The following MRPS34 variants were observed in gnomAD, a reference collection of about 807,000 sequenced individuals.
The protein encoded by MRPS34 is mitochondrial ribosomal protein S34, also known as small ribosomal subunit protein mS34.
In MRPS34, 12 loss-of-function variants were observed where a neutral mutation model predicts 13.3. The observed-to-expected ratio is 0.90, with a 90% CI of 0.58 to 1.46. The LOEUF (loss-of-function observed/expected upper bound fraction) is 1.46. Ranked by LOEUF, MRPS34 falls within the 40% of genes most tolerant of loss-of-function variation. The pLI is 0.00. For synonymous variants in MRPS34, 181 were observed against 149.3 expected (o/e 1.21, Z -1.55); for missense variants, 419 against 335.3 (o/e 1.25, Z -1.95).
chr16:1,772,109 T>C lies in MRPS34; in HGVS notation c.*112A>G, dbSNP rs537677384. 80 of 1,147,018 alleles carry C rather than the reference T, an allele frequency of 7.0e-5. No individual in the cohort carries two copies. The highest frequency in any genetic ancestry group is 6.2e-4 in the Admixed American group (29 of 47,094). 71.1% of individuals were successfully genotyped at this position (1,147,018 alleles called of 1,614,324 possible). The stretch of plus-strand genomic sequence containing the variant: ...GACCCTCAGAACACGTCGCGGAAGG[T>C]GAGCTCCCTGCTCCGAGAGGCAGAC... On this transcript the variant is annotated 3_prime_UTR_variant, in exon 3 of 3. Coordinates refer to ENST00000397375, the MANE Select transcript of MRPS34 (RefSeq NM_023936.2).
At chr16:1,772,777 G>A (rs774644160) in intron 1 of MRPS34, 22 bp downstream of exon 1, 129 of 1,478,374 alleles carry the variant, frequency 8.7e-5, no homozygotes, top group Middle Eastern at 7.1e-4. Flanking sequence ...GCAGGGGCGG[G>A]GTGCGGACGG....
rs753841145 is a variant in MRPS34, at chr16:1,772,825, G to C, written c.295C>G (p.Arg99Gly). ...HDEPCYWRLT[R>G]VRPDYTAQNL... ...TGCGCCGTGTAGTCGGGCCGCACCC[G>C]CGTGAGGCGCCAGTAGCACGGCTCG... Residue 99 changes from arginine (R) to glycine (G), a missense_variant, in exon 1 of 3, where the codon CGG becomes GGG. Coordinates refer to ENST00000397375, the MANE Select transcript of MRPS34 (RefSeq NM_023936.2). The C allele has an allele frequency of 2.1e-6, 3 of 1,444,770 alleles. No individual in the cohort carries two copies. Among genetic ancestry groups the C allele is most frequent in the Non-Finnish European group, 2.7e-6 (3 of 1,103,942 alleles). The allele number at this position is 1,444,770 out of a possible 1,614,324, so 89.5% of individuals were successfully genotyped here.
Position 1,772,522 on chromosome 16 carries a change from GAAA to G in MRPS34, c.365-12_365-10del, listed in dbSNP as rs1012367367. On this transcript the variant is annotated splice_polypyrimidine_tract_variant and intron_variant, in intron 2 of 2. Coordinates refer to ENST00000397375, the MANE Select transcript of MRPS34 (RefSeq NM_023936.2). ...CTCGCTCTCAGTCTTCCCTGATGAA[GAAA>G]AAGAGGCGTCTGCACACACTTGCTG... The G allele has an allele frequency of 6.2e-7, 1 of 1,610,574 alleles. No homozygotes were observed. The highest frequency in any genetic ancestry group is 1.7e-5 in the Admixed American group (1 of 59,900).
In MRPS34 at chr16:1,772,841, G is replaced by C; in HGVS notation, c.279C>G (p.Cys93Trp). The change falls in exon 1 of 3, where the codon TGC (cysteine) becomes TGG (tryptophan). Residue 93 changes from cysteine (C) to tryptophan (W), a missense_variant. Cys to Trp is a radical substitution (Grantham distance 215). Transcript: ENST00000397375. ...KSWLWQHDEPCYWRLTRVRPD... is the reference protein window; with the variant it reads ...KSWLWQHDEPWYWRLTRVRPD... ...GCCGCACCCGCGTGAGGCGCCAGTAGCACGGCTCGTCGTGCTGCCACAGCC... is the reference window on the plus strand; with the variant it reads ...GCCGCACCCGCGTGAGGCGCCAGTACCACGGCTCGTCGTGCTGCCACAGCC... 6.9e-7 allele frequency: 1 copy of C among 1,444,188 alleles called. No individual in the cohort carries two copies. The highest frequency in any genetic ancestry group is 9.1e-7 in the Non-Finnish European group (1 of 1,103,664). 89.5% of individuals were successfully genotyped at this position (1,444,188 alleles called of 1,614,324 possible).
In MRPS34 at chr16:1,772,181, T is replaced by A. The variant is rs2042626986; in HGVS notation, c.*40A>T. 1 of 1,573,862 alleles carries A rather than the reference T, an allele frequency of 6.4e-7. No homozygotes were observed. Among genetic ancestry groups the A allele is most frequent in the Non-Finnish European group, 8.6e-7 (1 of 1,160,426 alleles). ...TTTCTTTCATCAATAAGGTCCCCACTGCCTCACAGCCCCTAAGGCCACCCG... is the reference window on the plus strand; with the variant it reads ...TTTCTTTCATCAATAAGGTCCCCACAGCCTCACAGCCCCTAAGGCCACCCG... On this transcript the variant is annotated 3_prime_UTR_variant, in exon 3 of 3. Transcript: ENST00000397375.
In MRPS34 at chr16:1,772,594, C is replaced by G. The variant is rs1431824835; in HGVS notation, c.364+10G>C. ...TCGAACTGCCGGGCACCCGCTCTCC[C>G]GAGCCTTACCTTTGAAGGTCAGGAT... On this transcript the variant is annotated intron_variant, in intron 2 of 2. Transcript: ENST00000397375. 1 of 1,612,064 alleles carries G rather than the reference C, an allele frequency of 6.2e-7. No homozygotes were observed. The highest frequency in any genetic ancestry group is 1.3e-5 in the African/African-American group (1 of 74,960).
chr16:1,772,919 C>T lies in MRPS34; in HGVS notation c.201G>A (p.Leu67=). 1 of 1,449,226 alleles carries T rather than the reference C, an allele frequency of 6.9e-7. No individual in the cohort carries two copies. Among genetic ancestry groups the T allele is most frequent in the Non-Finnish European group, 9.0e-7 (1 of 1,107,182 alleles). 89.8% of individuals were successfully genotyped at this position (1,449,226 alleles called of 1,614,324 possible). The change falls in exon 1 of 3, where the codon CTG becomes CTA. Residue 67 remains leucine, a synonymous_variant. Transcript: ENST00000397375. ...DVRRESRLLQ[L]LGRLPLFGLG... ...GGCCGAAGAGCGGGAGGCGGCCGAGCAGCTGCAAGAGGCGGCTCTCGCGGC... is the reference window on the plus strand; with the variant it reads ...GGCCGAAGAGCGGGAGGCGGCCGAGTAGCTGCAAGAGGCGGCTCTCGCGGC...
At chr16:1,772,741 A>T in intron 1 of MRPS34, 58 bp downstream of exon 1, 2 of 1,544,622 alleles carry the variant, frequency 1.3e-6, no homozygotes, top group Non-Finnish European at 1.7e-6. Flanking sequence ...TGCAGGGAGG[A>T]GGGGAGGCGG....
rs897266007 is a variant in MRPS34, at chr16:1,772,009, G to A, written c.*212C>T. 1.7e-6 allele frequency: 1 copy of A among 601,928 alleles called. No individual in the cohort carries two copies. The highest frequency in any genetic ancestry group is 2.9e-6 in the Non-Finnish European group (1 of 341,458). 37.3% of individuals were successfully genotyped at this position (601,928 alleles called of 1,614,324 possible). ...GCTTTCCCCAGCGTGGGCCCTCGGAGTTGGGTGTGGGGGCAGCAGGGCCAG... is the reference window on the plus strand; with the variant it reads ...GCTTTCCCCAGCGTGGGCCCTCGGAATTGGGTGTGGGGGCAGCAGGGCCAG... On this transcript the variant is annotated 3_prime_UTR_variant, in exon 3 of 3. Coordinates refer to ENST00000397375, the MANE Select transcript of MRPS34 (RefSeq NM_023936.2).
Position 1,772,072 on chromosome 16 carries a change from C to G in MRPS34, c.*149G>C, listed in dbSNP as rs1043951598. 4.8e-5 allele frequency: 41 copies of G among 846,868 alleles called. No homozygotes were observed. The Middle Eastern group carries it at 1.1e-3, about 22-fold the overall frequency. The allele number at this position is 846,868 out of a possible 1,614,324, so 52.5% of individuals were successfully genotyped here. Reference sequence around the variant, plus strand: ...GGTGGCGATTTGCCCCAGCCCTCCCCCCTAAGATGCAGACCCTCAGAACAC... The same window carrying G: ...GGTGGCGATTTGCCCCAGCCCTCCCGCCTAAGATGCAGACCCTCAGAACAC... On this transcript the variant is annotated 3_prime_UTR_variant, in exon 3 of 3. Coordinates refer to ENST00000397375, the MANE Select transcript of MRPS34 (RefSeq NM_023936.2).
chr16:1,772,173 G>T lies in MRPS34; in HGVS notation c.*48C>A. The T allele has an allele frequency of 6.4e-7, 1 of 1,552,882 alleles. No individual in the cohort carries two copies. The highest frequency in any genetic ancestry group is 8.7e-7 in the Non-Finnish European group (1 of 1,145,640). On this transcript the variant is annotated 3_prime_UTR_variant, in exon 3 of 3. Coordinates refer to ENST00000397375, the MANE Select transcript of MRPS34 (RefSeq NM_023936.2). ...AAAGACGGTTTCTTTCATCAATAAG[G>T]TCCCCACTGCCTCACAGCCCCTAAG...
rs748276697 is a variant in MRPS34 at position 1,772,368 on chromosome 16, G to A, written c.510C>T (p.Leu170=). Residue 170 remains leucine (L), a synonymous_variant, in exon 3 of 3, where the codon CTC becomes CTT. Coordinates refer to ENST00000397375, the MANE Select transcript of MRPS34 (RefSeq NM_023936.2). ...SLASVPYPPL[L]RAMIIAERQK... Reference sequence around the variant, plus strand: ...GTCGTTCTGCGATAATCATGGCCCGGAGGAGAGGCGGGTACGGCACGGAGG... The same window carrying A: ...GTCGTTCTGCGATAATCATGGCCCGAAGGAGAGGCGGGTACGGCACGGAGG... 1.2e-6 allele frequency: 2 copies of A among 1,612,760 alleles called. No homozygotes were observed. The highest frequency in any genetic ancestry group is 1.3e-5 in the African/African-American group (1 of 74,946).
At position 1,772,889 on chromosome 16, in the gene MRPS34, G is replaced by A; in HGVS notation, c.231C>T (p.Gly77=). 1 of 1,452,722 alleles carries A rather than the reference G, an allele frequency of 6.9e-7. No individual in the cohort carries two copies. The highest frequency in any genetic ancestry group is 9.0e-7 in the Non-Finnish European group (1 of 1,109,832). The allele number at this position is 1,452,722 out of a possible 1,614,324, so 90.0% of individuals were successfully genotyped here. The change falls in exon 1 of 3, where the codon GGC becomes GGT. Residue 77 remains glycine (G), a synonymous_variant. Transcript: ENST00000397375. ...GCCAGGACTTGCGCGTGACCAGGCGGCCCAGGCCGAAGAGCGGGAGGCGGC... is the reference window on the plus strand; with the variant it reads ...GCCAGGACTTGCGCGTGACCAGGCGACCCAGGCCGAAGAGCGGGAGGCGGC... The part of the protein sequence containing the change: ...LLGRLPLFGL[G]RLVTRKSWLW...
rs1046823772 is a variant in MRPS34 at position 1,773,133 on chromosome 16, C to T, written c.-14G>A. 5 of 1,390,122 alleles carry T rather than the reference C, an allele frequency of 3.6e-6. No homozygotes were observed. Among genetic ancestry groups the T allele is most frequent in the Admixed American group, 3.5e-5 (1 of 28,926 alleles). The allele number at this position is 1,390,122 out of a possible 1,614,324, so 86.1% of individuals were successfully genotyped here. Reference sequence around the variant, plus strand: ...CTTCCGCGCCATGGCGGGTCCGCGTCCTCAGCGGTCCGGCCGGAAGTCACC... The same window carrying T: ...CTTCCGCGCCATGGCGGGTCCGCGTTCTCAGCGGTCCGGCCGGAAGTCACC... On this transcript the variant is annotated 5_prime_UTR_variant, in exon 1 of 3. Coordinates refer to ENST00000397375, the MANE Select transcript of MRPS34 (RefSeq NM_023936.2).
At position 1,772,638 on chromosome 16, in the gene MRPS34, G is replaced by T. The variant is rs1390301970; in HGVS notation, c.330C>A (p.Asp110Glu). The T allele has an allele frequency of 6.2e-7, 1 of 1,608,158 alleles. No homozygotes were observed. Among genetic ancestry groups the T allele is most frequent in the South Asian group, 1.1e-5 (1 of 91,076 alleles). ...TCAGGATGCCCCAGGCCTTCCCGTG[G>T]TCCAAGTTCTGCAAAGCCAGAAGGA... ...VRPDYTAQNL[D>E]HGKAWGILTF... Residue 110 changes from aspartate to glutamate, a missense_variant, in exon 2 of 3, where the codon GAC becomes GAA. By Grantham distance (45) the Asp-to-Glu change is conservative. Coordinates refer to ENST00000397375, the MANE Select transcript of MRPS34 (RefSeq NM_023936.2).
chr16:1,772,402 T>C lies in MRPS34; in HGVS notation c.476A>G (p.Asp159Gly), dbSNP rs1408608913. The C allele has an allele frequency of 1.2e-6, 2 of 1,611,848 alleles. No homozygotes were observed. The highest frequency in any genetic ancestry group is 1.3e-5 in the African/African-American group (1 of 75,036). The change falls in exon 3 of 3, where the codon GAC becomes GGC. Residue 159 changes from aspartate (D) to glycine (G), a missense_variant. By Grantham distance (94) the Asp-to-Gly change is moderately conservative. Coordinates refer to ENST00000397375, the MANE Select transcript of MRPS34 (RefSeq NM_023936.2). ...AFTAFTPAPE[D>G]SLASVPYPPL... ...CGGGTACGGCACGGAGGCCAGGCTG[T>C]CTTCCGGCGCCGGCGTGAACGCGGT...
Position 1,772,510 on chromosome 16 carries a change from T to C in MRPS34, c.368A>G (p.Lys123Arg). 3 of 1,610,782 alleles carry C rather than the reference T, an allele frequency of 1.9e-6. No individual in the cohort carries two copies. Among genetic ancestry groups the C allele is most frequent in the Non-Finnish European group, 2.5e-6 (3 of 1,178,452 alleles). The change falls in exon 3 of 3, where the codon AAG becomes AGG. Residue 123 changes from lysine to arginine, a missense_variant. Coordinates refer to ENST00000397375, the MANE Select transcript of MRPS34 (RefSeq NM_023936.2). ...GATCTCCCGCGCCTCGCTCTCAGTC[T>C]TCCCTGATGAAGAAAAAGAGGCGTC... The part of the protein sequence containing the change: ...KAWGILTFKG[K>R]TESEAREIEH...
At chr16:1,772,756 A>C (rs1184767246) in intron 1 of MRPS34, 43 bp downstream of exon 1, 1 of 1,524,202 alleles carries the variant, frequency 6.6e-7, no homozygotes, top group Non-Finnish European at 8.8e-7. Context: ...AGGCGGGGAG[A>C]CCAGGCGGCT....
chr16:1,772,532 C>T lies in MRPS34; in HGVS notation c.365-19G>A, dbSNP rs769642120. On this transcript the variant is annotated intron_variant, in intron 2 of 2. Coordinates refer to ENST00000397375, the MANE Select transcript of MRPS34 (RefSeq NM_023936.2). ...GTCTTCCCTGATGAAGAAAAAGAGG[C>T]GTCTGCACACACTTGCTGTGCCGTC... The T allele has an allele frequency of 5.0e-6, 8 of 1,611,846 alleles. 1 individual carries two copies. Among genetic ancestry groups the T allele is most frequent in the Middle Eastern group, 3.3e-4 (2 of 6,058 alleles).
Sources: gnomAD v4.1 joint callset for allele counts on GRCh38, gnomAD v4.1.1 for gene constraint, MANE v1.5 for transcripts, NCBI Gene and HGNC (gene_info 2026-07-23, HGNC 2026-07-21) for gene names.